TENM3: variants seen among roughly 807,000 people sequenced by gnomAD.
TENM3 encodes teneurin transmembrane protein 3.
In TENM3, 63 loss-of-function variants were observed where a neutral mutation model predicts 255.1. The observed-to-expected ratio is 0.25, with a 90% CI of 0.20 to 0.30. The LOEUF is 0.30. TENM3 is among the 10% of genes least tolerant of loss of function. The probability of loss-of-function intolerance (pLI) is 1.00; values close to 1 mark genes in which losing one functional copy is unlikely to be tolerated. For missense variants in TENM3, 2,929 were observed against 3,461.1 expected (o/e 0.85, Z 3.86); for synonymous variants, 1,306 against 1,322.3 (o/e 0.99, Z 0.27).
the TENM3 span, among the ~76,000 whole-genome samples, chr4:181,596,887 C>T: frequency 6.6e-6 from 1 of 151,970 alleles, no homozygotes; most frequent in African/African-American, 2.4e-5. Context: ...ATTATGAGAA[C>T]ACACAGACAC....
chr4:182,454,109 G>A (rs928761118), intron 3 of TENM3, among the ~76,000 whole-genome samples: 52 of 152,118 alleles, frequency 3.4e-4, no homozygotes, highest in Non-Finnish European at 6.0e-4. Flanking sequence ...CAAGGAAAGT[G>A]GTTAAATGCA....
chr4:181,674,174 T>C, the TENM3 span, among the ~76,000 whole-genome samples: 1 of 152,022 alleles, frequency 6.6e-6, no homozygotes, highest in East Asian at 1.9e-4. Flanking sequence ...TTCTTTGTAG[T>C]TTTTGTAGAT....
intron 1 of TENM3, among the ~76,000 whole-genome samples, chr4:182,219,606 A>C (rs899127321): frequency 6.6e-6 from 1 of 152,148 alleles, no homozygotes; most frequent in African/African-American, 2.4e-5. Context: ...CTGAGGCTGC[A>C]GTGAGTCATC....
chr4:181,935,563 C>T, the TENM3 span, among the ~76,000 whole-genome samples: 1 of 152,210 alleles, frequency 6.6e-6, no homozygotes, highest in South Asian at 2.1e-4. Flanking sequence ...CACTTGTCCC[C>T]TTAAGCACCC....
intron 3 of TENM3, among the ~76,000 whole-genome samples, chr4:182,588,763 A>G (rs542034919): frequency 5.3e-5 from 8 of 152,322 alleles, no homozygotes; most frequent in African/African-American, 1.7e-4. Context: ...ATTATGCAAA[A>G]CTAAGAATTT....
intron 3 of TENM3, among the ~76,000 whole-genome samples, chr4:182,386,478 G>A (rs951253361): frequency 1.3e-5 from 2 of 152,244 alleles, no homozygotes; most frequent in Non-Finnish European, 2.9e-5. Context: ...GGAGCCCTTC[G>A]GCCTGCCACT....
intron 2 of TENM3, among the ~76,000 whole-genome samples, chr4:182,333,529 A>G (rs1189869306): frequency 1.3e-5 from 2 of 152,172 alleles, no homozygotes; most frequent in African/African-American, 4.8e-5. Flanking sequence ...AAAATTTAGA[A>G]AGGATTCTTT....
At chr4:182,556,739 T>A (rs770734491) in intron 3 of TENM3, among the ~76,000 whole-genome samples, 3 of 152,156 alleles carry the variant, frequency 2.0e-5, no homozygotes, top group Non-Finnish European at 2.9e-5. Flanking sequence ...AACACTGAAA[T>A]GACGATGACC....
the TENM3 span, among the ~76,000 whole-genome samples, chr4:182,007,132 A>T: frequency 6.6e-6 from 1 of 152,008 alleles, no homozygotes; most frequent in Non-Finnish European, 1.5e-5. Flanking sequence ...TTTACTGAGG[A>T]GTGTTTACTT....
chr4:182,323,514 G>GA (rs1017586802), intron 1 of TENM3, among the ~76,000 whole-genome samples: 1 of 150,466 alleles, frequency 6.6e-6, no homozygotes, highest in African/African-American at 2.4e-5. Flanking sequence ...CATTGAAAAA[G>GA]AAAAAAATAG....
the TENM3 span, among the ~76,000 whole-genome samples, chr4:181,551,836 ATATGTGTGTGTGTGTGTG>A: frequency 4.9e-5 from 1 of 20,382 alleles, no homozygotes; most frequent in Non-Finnish European, 1.1e-4. Flanking sequence ...ATATATATGT[ATATGTGTGTGTGTGTGTG>A]TGTGTGTGTG....
chr4:182,439,170 A>G (rs1486960108), intron 3 of TENM3, among the ~76,000 whole-genome samples: 1 of 152,216 alleles, frequency 6.6e-6, no homozygotes, highest in South Asian at 2.1e-4. Flanking sequence ...GAAGTTTGTT[A>G]TCACTCTGAA....
At chr4:182,189,776 T>G (rs1442292425) in intron 1 of TENM3, among the ~76,000 whole-genome samples, 1 of 152,094 alleles carries the variant, frequency 6.6e-6, no homozygotes, top group African/African-American at 2.4e-5. Context: ...GCTGCATGAG[T>G]GTGCTCAGAT....
chr4:181,879,402 T>C, the TENM3 span, among the ~76,000 whole-genome samples: 5 of 152,112 alleles, frequency 3.3e-5, no homozygotes, highest in Non-Finnish European at 7.4e-5. Flanking sequence ...TTCAATGACC[T>C]TCTTAACTGA....
At chr4:182,707,352 A>G (rs1490882377) in intron 12 of TENM3, among the ~76,000 whole-genome samples, 1 of 152,148 alleles carries the variant, frequency 6.6e-6, no homozygotes, top group Admixed American at 6.5e-5. Flanking sequence ...CCTGATCTGT[A>G]TGGGAGGAAT....
the TENM3 span, among the ~76,000 whole-genome samples, chr4:181,651,736 A>G: frequency 6.6e-6 from 1 of 152,180 alleles, no homozygotes; most frequent in African/African-American, 2.4e-5. Flanking sequence ...GAATTTTAAA[A>G]CTAATGGGAT....
chr4:182,324,868 G>A (rs1268072859), intron 2 of TENM3, among the ~76,000 whole-genome samples: 8 of 152,088 alleles, frequency 5.3e-5, no homozygotes, highest in African/African-American at 7.2e-5. Context: ...TTGGTCATTC[G>A]CGTCTATCTG....
At chr4:182,618,549 A>G (rs1749761741) in intron 4 of TENM3, among the ~76,000 whole-genome samples, 1 of 152,050 alleles carries the variant, frequency 6.6e-6, no homozygotes, top group African/African-American at 2.4e-5. Flanking sequence ...TATGCTTATT[A>G]CTTTGAAAGA....
At chr4:181,651,500 A>T in the TENM3 span, among the ~76,000 whole-genome samples, 1 of 152,020 alleles carries the variant, frequency 6.6e-6, no homozygotes, top group East Asian at 1.9e-4. Flanking sequence ...AGGCAAGAGA[A>T]TCACTTGAAC....
Sources: gnomAD v4.1 joint callset for allele counts (sites outside exome capture counted in the v4.1 genomes callset) on GRCh38, gnomAD v4.1.1 for gene constraint, MANE v1.5 for transcripts, NCBI Gene and HGNC (gene_info 2026-07-23, HGNC 2026-07-21) for gene names.